The following ZNF10 variants were observed in gnomAD, a reference collection of about 807,000 sequenced individuals.
ZNF10 encodes the protein zinc finger protein 10.
A neutral mutation model predicts 12.2 loss-of-function variants in ZNF10; 8 were observed. The ratio of observed to expected loss-of-function variants is 0.66; its 90% CI spans 0.39 to 1.18. The LOEUF (loss-of-function observed/expected upper bound fraction) is 1.18. ZNF10 is among the 50% of genes most tolerant of loss of function. The probability of loss-of-function intolerance (pLI) is 0.01; values close to 1 mark genes in which losing one functional copy is unlikely to be tolerated. For missense variants in ZNF10, 603 were observed against 678.9 expected (o/e 0.89, Z 1.24); for synonymous variants, 229 against 228.2 (o/e 1.00, Z -0.03).
rs1386198978 is a variant in ZNF10, at chr12:133,156,917, C to T, written c.1671C>T (p.Thr557=). The change falls in exon 5 of 5, where the codon ACC becomes ACT. Residue 557 remains threonine (T), a synonymous_variant. Coordinates refer to ENST00000248211, the MANE Select transcript of ZNF10 (RefSeq NM_015394.5). The part of the protein sequence containing the change: ...CNQCGTALVN[T]SNLIGYQTNH... ...AATGTGGGACAGCGCTTGTTAATAC[C>T]TCTAACCTTATTGGATACCAGACAA... is the stretch of plus-strand genomic sequence containing the variant. 6 of 1,473,788 alleles carry T rather than the reference C, an allele frequency of 4.1e-6. No individual in the cohort carries two copies. The highest frequency in any genetic ancestry group is 1.6e-5 in the South Asian group (1 of 64,162). The allele number at this position is 1,473,788 out of a possible 1,614,324, so 91.3% of individuals were successfully genotyped here.
At chr12:133,145,871 C>G (rs907752303) in intron 2 of ZNF10, among the ~76,000 whole-genome samples, 1 of 139,290 alleles carries the variant, frequency 7.2e-6, no homozygotes, top group African/African-American at 2.7e-5. Flanking sequence ...CAGATTTGAC[C>G]ACAGGTTCGC....
chr12:133,132,912 C>T (rs1488657975), intron 1 of ZNF10, among the ~76,000 whole-genome samples: 1 of 152,150 alleles, frequency 6.6e-6, no homozygotes, highest in African/African-American at 2.4e-5. Flanking sequence ...TTTACTGTAC[C>T]TAATTTTAAC....
chr12:133,134,747 T>C (rs1307468523), intron 1 of ZNF10, among the ~76,000 whole-genome samples: 2 of 152,236 alleles, frequency 1.3e-5, no homozygotes, highest in African/African-American at 4.8e-5. Context: ...ATAAATATTT[T>C]TTGTGACCAC....
intron 1 of ZNF10, among the ~76,000 whole-genome samples, chr12:133,140,949 C>A (rs1201391332): frequency 6.6e-6 from 1 of 151,758 alleles, no homozygotes; most frequent in East Asian, 1.9e-4. Flanking sequence ...TTAGTACATA[C>A]GTGTGAGGAA....
Position 133,156,894 on chromosome 12 carries a change from T to C in ZNF10, c.1648T>C (p.Cys550Arg), listed in dbSNP as rs1462926661. The C allele has an allele frequency of 5.9e-6, 9 of 1,514,954 alleles. No individual in the cohort carries two copies. The highest frequency in any genetic ancestry group is 7.9e-6 in the Non-Finnish European group (9 of 1,133,688). 93.8% of individuals were successfully genotyped at this position (1,514,954 alleles called of 1,614,324 possible). The change falls in exon 5 of 5, where the codon TGT becomes CGT. Residue 550 changes from cysteine (C) to arginine (R), a missense_variant. Cys to Arg is a radical substitution (Grantham distance 180). Transcript: ENST00000248211. Reference sequence around the variant, plus strand: ...AGAGCAGTTCTTAACATGCAATCAATGTGGGACAGCGCTTGTTAATACCTC... The same window carrying C: ...AGAGCAGTTCTTAACATGCAATCAACGTGGGACAGCGCTTGTTAATACCTC... ...TGEQFLTCNQCGTALVNTSNL... is the reference protein window; with the variant it reads ...TGEQFLTCNQRGTALVNTSNL...
In ZNF10 at chr12:133,156,675, A is replaced by C; in HGVS notation, c.1429A>C (p.Ile477Leu). The change falls in exon 5 of 5, where the codon ATT becomes CTT. Residue 477 changes from isoleucine (I) to leucine (L), a missense_variant. Physicochemically the swap from Ile to Leu is conservative, Grantham distance 5 (BLOSUM62 2). This residue lies in a region of ZNF10 where 204 missense variants were observed against 262.8 expected (regional missense o/e 0.78). Transcript: ENST00000248211. ...GKSFSQSSALIVHQRIHTGEK... is the reference protein window; with the variant it reads ...GKSFSQSSALLVHQRIHTGEK... The stretch of plus-strand genomic sequence containing the variant: ...ATCTTTCAGCCAGAGTTCTGCCCTT[A>C]TTGTGCATCAGAGGATACACACTGG... 6.2e-7 allele frequency: 1 copy of C among 1,614,112 alleles called. No homozygotes were observed. The highest frequency in any genetic ancestry group is 1.1e-5 in the South Asian group (1 of 91,074).
intron 4 of ZNF10, among the ~76,000 whole-genome samples, chr12:133,152,691 C>T (rs1215926643): frequency 2.0e-5 from 3 of 152,220 alleles, no homozygotes; most frequent in Admixed American, 2.0e-4. Context: ...GCTGGGATTA[C>T]AGGCGTGAGC....
intron 1 of ZNF10, among the ~76,000 whole-genome samples, chr12:133,143,309 G>A (rs1222297763): frequency 2.0e-5 from 3 of 151,556 alleles, no homozygotes; most frequent in Non-Finnish European, 4.4e-5. Flanking sequence ...CCACTGAATT[G>A]GATACTTAAA....
intron 1 of ZNF10, among the ~76,000 whole-genome samples, chr12:133,142,180 T>C (rs1223267349): frequency 6.6e-6 from 1 of 152,142 alleles, no homozygotes; most frequent in East Asian, 1.9e-4. Context: ...CCCAGCACTT[T>C]GGGAGGCCGA....
At chr12:133,138,272 A>G (rs2135458208) in intron 1 of ZNF10, among the ~76,000 whole-genome samples, 1 of 151,940 alleles carries the variant, frequency 6.6e-6, no homozygotes, top group Non-Finnish European at 1.5e-5. Flanking sequence ...TATGGTAGTT[A>G]TTAGAATGGA....
intron 2 of ZNF10, among the ~76,000 whole-genome samples, chr12:133,150,608 T>C (rs1956001515): frequency 6.6e-6 from 1 of 151,720 alleles, no homozygotes; most frequent in Admixed American, 6.6e-5. Context: ...TCATGAAAAA[T>C]GTTTTGGATA....
At chr12:133,151,750 G>T in intron 3 of ZNF10, 59 bp from the exon 4 acceptor site, 1 of 1,374,162 alleles carries the variant, frequency 7.3e-7, no homozygotes, top group Non-Finnish European at 1.0e-6. Context: ...ATGTTTCTTC[G>T]TGCCTACCTC....
intron 2 of ZNF10, among the ~76,000 whole-genome samples, chr12:133,149,674 A>G (rs942618666): frequency 2.0e-4 from 30 of 150,110 alleles, no homozygotes; most frequent in Non-Finnish European, 3.7e-4. Context: ...TTTTTTCTTG[A>G]TAAAGTTTGG....
In ZNF10 at chr12:133,130,647, T is replaced by G. The variant is rs926748244; in HGVS notation, c.-167T>G. ...GCCTCAGACTCACCTCTGACGCCGC[T>G]CTTCGCGCTCCGCTGGTGAATGGAG... On this transcript the variant is annotated 5_prime_UTR_variant, in exon 1 of 5. Coordinates refer to ENST00000248211, the MANE Select transcript of ZNF10 (RefSeq NM_015394.5). 1 of 152,414 alleles carries G rather than the reference T, an allele frequency of 6.6e-6. No homozygotes were observed. The highest frequency in any genetic ancestry group is 1.5e-5 in the Non-Finnish European group (1 of 68,076). 9.4% of individuals were successfully genotyped at this position (152,414 alleles called of 1,614,324 possible). A position where few individuals can be genotyped will look rare whatever the true frequency, so the allele number is the denominator to read the frequency against.
At chr12:133,135,896 G>T (rs1429040334) in intron 1 of ZNF10, among the ~76,000 whole-genome samples, 1 of 152,232 alleles carries the variant, frequency 6.6e-6, no homozygotes, top group Non-Finnish European at 1.5e-5. Flanking sequence ...AGGCAGACAA[G>T]TATGACAGAC....
rs748452465 is a variant in ZNF10, at chr12:133,151,083, T to A, written c.89T>A (p.Leu30Gln). 1.2e-6 allele frequency: 2 copies of A among 1,613,944 alleles called. No homozygotes were observed. Among genetic ancestry groups the A allele is most frequent in the Non-Finnish European group, 8.5e-7 (1 of 1,179,846 alleles). The part of the protein sequence containing the change: ...FVDFTREEWK[L>Q]LDTAQQIVYR... ...GACTTCACCAGGGAGGAGTGGAAGC[T>A]GCTGGACACTGCTCAGCAGATCGTG... The change falls in exon 3 of 5, where the codon CTG (leucine) becomes CAG (glutamine). Residue 30 changes from leucine to glutamine, a missense_variant. Physicochemically the swap from Leu to Gln is moderately radical, Grantham distance 113 (BLOSUM62 -2). This residue lies in a region of ZNF10 where 393 missense variants were observed against 399.7 expected (regional missense o/e 0.98). Transcript: ENST00000248211.
intron 2 of ZNF10, chr12:133,144,838 C>T: frequency 2.1e-6 from 1 of 484,506 alleles, no homozygotes; most frequent in Non-Finnish European, 4.0e-6. Context: ...AAGATCAACT[C>T]ATGCTGACCA....
chr12:133,130,804 G>A (rs1037782730), intron 1 of ZNF10, 50 bp downstream of exon 1: 8 of 152,292 alleles, frequency 5.3e-5, no homozygotes, highest in African/African-American at 1.9e-4. Context: ...TCAGGCGCGT[G>A]TTGAGCCCTT....
intron 1 of ZNF10, among the ~76,000 whole-genome samples, chr12:133,143,185 G>T (rs1320318390): frequency 6.6e-6 from 1 of 152,148 alleles, no homozygotes; most frequent in Non-Finnish European, 1.5e-5. Flanking sequence ...CAGGGAATAG[G>T]GGAGAATATG....
Sources: gnomAD v4.1 joint callset for allele counts (sites outside exome capture counted in the v4.1 genomes callset) on GRCh38, gnomAD v4.1.1 for gene constraint, gnomAD v4.1.1 regional missense constraint, MANE v1.5 for transcripts, NCBI Gene and HGNC (gene_info 2026-07-23, HGNC 2026-07-21) for gene names.